EIF4G3: variants seen among roughly 807,000 people sequenced by gnomAD.
The protein encoded by EIF4G3 is eIF-4-gamma 3.
Under a neutral mutation model 186.4 loss-of-function variants are expected in EIF4G3, and 34 were observed. That is an observed-to-expected ratio of 0.18 (90% CI 0.14 to 0.24). The LOEUF is 0.24. Among genes scored for constraint, EIF4G3 ranks in the 10% least tolerant of loss-of-function variants. The probability of loss-of-function intolerance (pLI) is 1.00; values close to 1 mark genes in which losing one functional copy is unlikely to be tolerated. For missense variants in EIF4G3, 1,536 were observed against 1,948.5 expected, an observed-to-expected ratio of 0.79 and a Z score of 3.99; for synonymous variants, 673 against 679.5, an observed-to-expected ratio of 0.99 and a Z score of 0.15.
At chr1:21,153,275 G>T (rs1354286276) in intron 2 of EIF4G3, among the ~76,000 whole-genome samples, 12 of 152,164 alleles carry the variant, frequency 7.9e-5, no homozygotes, top group African/African-American at 2.4e-5. Flanking sequence ...ACAGACAAAA[G>T]TCTTCACTCA....
intron 25 of EIF4G3, 25 bp from the exon 26 acceptor site, chr1:20,855,096 A>C (rs777749688): frequency 4.7e-5 from 71 of 1,497,924 alleles, no homozygotes; most frequent in Non-Finnish European, 6.1e-5. Context: ...ACCACAAGTC[A>C]ATTATAGGAA....
rs2082553934 is a variant in EIF4G3, at chr1:20,997,559, C to T, written c.177+42G>A. 4 of 1,539,252 alleles carry T rather than the reference C, an allele frequency of 2.6e-6. No individual in the cohort carries two copies. In the African/African-American group the frequency reaches 5.5e-5, roughly 21 times the overall value. On this transcript the variant is annotated intron_variant, in intron 7 of 36. Transcript: ENST00000602326. ...AGTCAGCAGCTACTAAAGCCCCCAT[C>T]TATTAGTTAAGGGTGATAGTGAAGG...
chr1:20,919,097 C>T (rs958258670), intron 14 of EIF4G3, among the ~76,000 whole-genome samples: 25 of 152,072 alleles, frequency 1.6e-4, no homozygotes, highest in Non-Finnish European at 8.8e-5. Context: ...TTTATCCAAT[C>T]TTTTATTAGA....
rs114351291 is a variant in EIF4G3 at position 21,137,354 on chromosome 1, C to G, written c.-272+38821G>C. On this transcript the variant is annotated intron_variant, in intron 2 of 36. Coordinates refer to ENST00000602326, the MANE Select transcript of EIF4G3 (RefSeq NM_001391906.1). ...AGAGACGAGGTCTCACTACACTGCT[C>G]AGGCTGGTCTCAAACTCTGGCTTCA... is the stretch of plus-strand genomic sequence containing the variant. Among the ~76,000 whole-genome samples the G allele has an allele frequency of 8.0e-3, 1,221 of 152,198 alleles. 3 individuals carry two copies. Among genetic ancestry groups the G allele is most frequent in the Non-Finnish European group, 0.013 (885 of 68,018 alleles).
intron 30 of EIF4G3, among the ~76,000 whole-genome samples, chr1:20,834,418 A>G (rs2066161697): frequency 6.6e-6 from 1 of 152,194 alleles, no homozygotes; most frequent in Non-Finnish European, 1.5e-5. Flanking sequence ...AGCCTGGGTG[A>G]GAGAGTGTGA....
At chr1:21,109,479 T>C (rs1402955537) in intron 2 of EIF4G3, among the ~76,000 whole-genome samples, 2 of 152,088 alleles carry the variant, frequency 1.3e-5, no homozygotes, top group East Asian at 3.9e-4. Context: ...ACTTTGTCTC[T>C]GTAAAATTAA....
chr1:21,153,800 G>A (rs1430358122), intron 2 of EIF4G3, among the ~76,000 whole-genome samples: 1 of 151,996 alleles, frequency 6.6e-6, no homozygotes, highest in Non-Finnish European at 1.5e-5. Flanking sequence ...CCTGACTTCA[G>A]GTGATCCTCC....
intron 7 of EIF4G3, among the ~76,000 whole-genome samples, chr1:20,983,285 A>G (rs922501678): frequency 6.6e-6 from 1 of 152,204 alleles, no homozygotes; most frequent in African/African-American, 2.4e-5. Flanking sequence ...GGGGCAGGCC[A>G]CAGAGAGTAG....
At chr1:20,915,679 G>A (rs2093784678) in intron 14 of EIF4G3, among the ~76,000 whole-genome samples, 1 of 152,066 alleles carries the variant, frequency 6.6e-6, no homozygotes, top group Non-Finnish European at 1.5e-5. Flanking sequence ...TTATATTCTT[G>A]ACTAAAATAA....
chr1:20,837,752 A>AG (rs2067189593), intron 30 of EIF4G3, among the ~76,000 whole-genome samples: 1 of 152,178 alleles, frequency 6.6e-6, no homozygotes, highest in African/African-American at 2.4e-5. Context: ...AACCATTTAT[A>AG]ACTCAGGCTT....
intron 10 of EIF4G3, among the ~76,000 whole-genome samples, chr1:20,979,347 C>T (rs571369282): frequency 3.3e-5 from 5 of 152,234 alleles, no homozygotes; most frequent in South Asian, 2.1e-4. Flanking sequence ...CACAATTTTG[C>T]GGAGAATCAC....
At chr1:20,954,526 C>A (rs147452470) in intron 12 of EIF4G3, among the ~76,000 whole-genome samples, 3 of 132,982 alleles carry the variant, frequency 2.3e-5, no homozygotes, top group Non-Finnish European at 4.8e-5. Context: ...GAGAGTCAGA[C>A]CCCGTCTCAA....
At chr1:20,972,789 A>G (rs1227386226) in intron 11 of EIF4G3, among the ~76,000 whole-genome samples, 1 of 152,128 alleles carries the variant, frequency 6.6e-6, no homozygotes, top group East Asian at 1.9e-4. Flanking sequence ...CTCAGTGAAT[A>G]ATTAAAGATG....
At chr1:20,943,974 T>TTGTGTGTGTGTG (rs1163268356) in intron 13 of EIF4G3, among the ~76,000 whole-genome samples, 8 of 62,466 alleles carry the variant, frequency 1.3e-4, no homozygotes, top group African/African-American at 4.4e-4. Context: ...TTTATTTTTT[T>TTGTGTGTGTGTG]TGTGTGTGTG....
chr1:20,896,412 G>C (rs2088064890), intron 16 of EIF4G3, among the ~76,000 whole-genome samples: 1 of 146,502 alleles, frequency 6.8e-6, no homozygotes, highest in Non-Finnish European at 1.5e-5. Flanking sequence ...CTCTAGCCTG[G>C]GTAACAGAGT....
intron 30 of EIF4G3, among the ~76,000 whole-genome samples, chr1:20,837,301 G>A (rs1189597166): frequency 6.6e-6 from 1 of 152,120 alleles, no homozygotes; most frequent in African/African-American, 2.4e-5. Flanking sequence ...TGACTCCCTG[G>A]TTCAAGCAAT....
Position 20,915,963 on chromosome 1 carries a change from T to A in EIF4G3, c.1664-10992A>T, listed in dbSNP as rs976365417. Among the ~76,000 whole-genome samples the A allele has an allele frequency of 2.6e-5, 4 of 152,232 alleles. No homozygotes were observed. The East Asian group carries it at 7.7e-4, about 29-fold the overall frequency. On this transcript the variant is annotated intron_variant, in intron 14 of 36. Coordinates refer to ENST00000602326, the MANE Select transcript of EIF4G3 (RefSeq NM_001391906.1). Reference sequence around the variant, plus strand: ...ATCCATATAGAAAAATCCAAAGGAATCTCTATGAAACAGCTAACAAGACTA... The same window carrying A: ...ATCCATATAGAAAAATCCAAAGGAAACTCTATGAAACAGCTAACAAGACTA...
intron 22 of EIF4G3, 83 bp downstream of exon 22, chr1:20,864,393 T>C (rs1220338691): frequency 1.0e-6 from 1 of 993,444 alleles, no homozygotes; most frequent in Non-Finnish European, 1.5e-6. Flanking sequence ...TGGGAAAAGA[T>C]AGAACTATTC....
At chr1:21,074,633 C>T (rs896705577) in intron 3 of EIF4G3, among the ~76,000 whole-genome samples, 7 of 151,948 alleles carry the variant, frequency 4.6e-5, no homozygotes, top group East Asian at 3.9e-4. Flanking sequence ...ATAATTCAAA[C>T]GCATTAAACA....
Sources: allele counts gnomAD v4.1 joint callset (sites outside exome capture counted in the v4.1 genomes callset), GRCh38; gene constraint gnomAD v4.1.1; transcripts MANE v1.5; gene names NCBI Gene and HGNC (gene_info 2026-07-23, HGNC 2026-07-21).